Variants in BCL2L11 observed in about 807,000 individuals in gnomAD.
BCL2L11 encodes bcl-2-like protein 11.
A neutral mutation model predicts 20.6 loss-of-function variants in BCL2L11; 15 were observed. The observed-to-expected ratio is 0.73, with a 90% CI of 0.49 to 1.12. BCL2L11 has a LOEUF of 1.12. Ranked by LOEUF, BCL2L11 falls within the 50% of genes most tolerant of loss-of-function variation. BCL2L11 has a pLI of 0.00. For missense variants in BCL2L11, 292 were observed against 260.9 expected (o/e 1.12, Z -0.82); for synonymous variants, 108 against 92.8 (o/e 1.16, Z -0.94).
chr2:111,152,988 A>G (rs2077419143), intron 3 of BCL2L11, among the ~76,000 whole-genome samples: 2 of 152,234 alleles, frequency 1.3e-5, no homozygotes, highest in East Asian at 1.9e-4. Context: ...CTTTGTTAGT[A>G]GGCTGGGATA....
chr2:111,127,446 G>A (rs545873939), intron 2 of BCL2L11, among the ~76,000 whole-genome samples: 37 of 139,060 alleles, frequency 2.7e-4, no homozygotes, highest in South Asian at 9.0e-4. Context: ...TTTCCTCAGC[G>A]TCTTGTGGGT....
intron 2 of BCL2L11, among the ~76,000 whole-genome samples, chr2:111,143,175 G>A (rs2076078347): frequency 6.6e-6 from 1 of 152,196 alleles, no homozygotes; most frequent in African/African-American, 2.4e-5. Context: ...CTATAGAAAT[G>A]GAGCTGTGGC....
intron 1 of BCL2L11, among the ~76,000 whole-genome samples, chr2:111,121,718 A>T (rs2070986683): frequency 6.6e-6 from 1 of 152,122 alleles, no homozygotes; most frequent in South Asian, 2.1e-4. Flanking sequence ...CCTTTTACTC[A>T]TTCAGGCCAA....
intron 1 of BCL2L11, chr2:111,122,591 G>A (rs2071328381): frequency 1.0e-6 from 1 of 983,954 alleles, no homozygotes; most frequent in Admixed American, 6.2e-5. Context: ...GCGGCGCGGG[G>A]AGGTCGGCGG....
At chr2:111,141,072 C>G (rs2075721087) in intron 2 of BCL2L11, among the ~76,000 whole-genome samples, 1 of 152,140 alleles carries the variant, frequency 6.6e-6, no homozygotes, top group Admixed American at 6.5e-5. Context: ...CTCCCATAGG[C>G]CTATTAACAA....
chr2:111,129,832 C>T (rs1032821488), intron 2 of BCL2L11, among the ~76,000 whole-genome samples: 1 of 152,186 alleles, frequency 6.6e-6, no homozygotes, highest in Non-Finnish European at 1.5e-5. Flanking sequence ...GTACTTTTGT[C>T]ATTTCAAGGA....
intron 2 of BCL2L11, among the ~76,000 whole-genome samples, chr2:111,128,456 A>G (rs1429397726): frequency 6.6e-6 from 1 of 151,398 alleles, no homozygotes; most frequent in East Asian, 2.2e-4. Context: ...TTGGATATAT[A>G]CTTGGAAGTG....
intron 3 of BCL2L11, among the ~76,000 whole-genome samples, chr2:111,154,353 GAAAAAA>G (rs556911619): frequency 9.6e-6 from 1 of 104,492 alleles, no homozygotes; most frequent in African/African-American, 3.3e-5. Flanking sequence ...GCCCTTCTCA[GAAAAAA>G]AAAAAAAAAA....
chr2:111,160,796 A>G (rs1341768080), intron 3 of BCL2L11, among the ~76,000 whole-genome samples: 2 of 152,214 alleles, frequency 1.3e-5, no homozygotes, highest in Non-Finnish European at 2.9e-5. Context: ...ATACCTTTCT[A>G]AAGTATTTTT....
At chr2:111,126,629 C>G (rs1030914873) in intron 2 of BCL2L11, among the ~76,000 whole-genome samples, 1 of 152,076 alleles carries the variant, frequency 6.6e-6, no homozygotes, top group African/African-American at 2.4e-5. Flanking sequence ...TCTGGACATT[C>G]TACAGTCTTA....
intron 3 of BCL2L11, chr2:111,153,738 G>C: frequency 6.4e-7 from 1 of 1,551,684 alleles, no homozygotes; most frequent in Non-Finnish European, 8.7e-7. Flanking sequence ...TTATTGCCAC[G>C]AGCCTTGCAA....
At chr2:111,128,143 GTC>G (rs2073083214) in intron 2 of BCL2L11, among the ~76,000 whole-genome samples, 1 of 151,704 alleles carries the variant, frequency 6.6e-6, no homozygotes, top group African/African-American at 2.4e-5. Context: ...TCTATTTTCT[GTC>G]TATTAATTTG....
intron 3 of BCL2L11, among the ~76,000 whole-genome samples, chr2:111,153,084 C>T (rs1195095452): frequency 3.3e-5 from 5 of 152,116 alleles, no homozygotes; most frequent in African/African-American, 7.2e-5. Context: ...TTATAAATAG[C>T]GCAAAACACA....
chr2:111,164,375 G>T lies in BCL2L11; in HGVS notation c.*144G>T. The T allele has an allele frequency of 1.6e-6, 1 of 631,658 alleles. No individual in the cohort carries two copies. The highest frequency in any genetic ancestry group is 2.9e-6 in the Non-Finnish European group (1 of 344,280). The allele number at this position is 631,658 out of a possible 1,614,324, so 39.1% of individuals were successfully genotyped here. Reference sequence around the variant, plus strand: ...GGCAGGTGACGTTTCAGAAGACACCGAGCTGGATGGGACTACCTTTCTGTT... The same window carrying T: ...GGCAGGTGACGTTTCAGAAGACACCTAGCTGGATGGGACTACCTTTCTGTT... On this transcript the variant is annotated 3_prime_UTR_variant, in exon 4 of 4. Coordinates refer to ENST00000393256, the MANE Select transcript of BCL2L11 (RefSeq NM_138621.5).
rs550710243 is a variant in BCL2L11, at chr2:111,134,804, A to G, written c.394+10665A>G. Among the ~76,000 whole-genome samples, 12 of 152,316 alleles carry G rather than the reference A, an allele frequency of 7.9e-5. No individual in the cohort carries two copies. In the East Asian group the frequency reaches 2.3e-3, roughly 29 times the overall value. On this transcript the variant is annotated intron_variant, in intron 2 of 3. Transcript: ENST00000393256. The stretch of plus-strand genomic sequence containing the variant: ...GGAAGATAGAATTCGCAGTTGATGT[A>G]TCTCTTTCAGTACTTGGAAAACATG...
At chr2:111,144,455 C>T (rs760927858) in intron 2 of BCL2L11, 20 of 1,549,660 alleles carry the variant, frequency 1.3e-5, no homozygotes, top group African/African-American at 6.8e-5. Flanking sequence ...TTACCGCAAA[C>T]GCTGATGGCA....
At chr2:111,161,091 C>T (rs1446263786) in intron 3 of BCL2L11, among the ~76,000 whole-genome samples, 2 of 152,160 alleles carry the variant, frequency 1.3e-5, no homozygotes, top group Non-Finnish European at 2.9e-5. Context: ...CTGATTGTCT[C>T]TTACCAGAAC....
chr2:111,129,521 G>A (rs1307019331), intron 2 of BCL2L11, among the ~76,000 whole-genome samples: 1 of 152,136 alleles, frequency 6.6e-6, no homozygotes, highest in African/African-American at 2.4e-5. Context: ...CATTCACCCA[G>A]TTTCCTACGA....
At chr2:111,137,895 TAAAG>T (rs1346415900) in intron 2 of BCL2L11, among the ~76,000 whole-genome samples, 7 of 152,238 alleles carry the variant, frequency 4.6e-5, no homozygotes, top group African/African-American at 1.4e-4. Context: ...AGTTTAATAT[TAAAG>T]AAGTTCATTG....
Sources: allele counts gnomAD v4.1 joint callset (sites outside exome capture counted in the v4.1 genomes callset), GRCh38; gene constraint gnomAD v4.1.1; transcripts MANE v1.5; gene names NCBI Gene and HGNC (gene_info 2026-07-23, HGNC 2026-07-21).